The following TMEM132E variants were observed in gnomAD, a reference collection of about 807,000 sequenced individuals.
TMEM132E encodes transmembrane protein 132E.
TMEM132E carries 49 observed loss-of-function variants against 78.5 expected under a neutral mutation model. The observed-to-expected ratio is 0.62, with a 90% CI of 0.50 to 0.79. The LOEUF is 0.79. TMEM132E is among the 30% of genes least tolerant of loss of function. The probability of loss-of-function intolerance (pLI) is 0.00; values close to 1 mark genes in which losing one functional copy is unlikely to be tolerated. For synonymous variants in TMEM132E, 715 were observed against 670.6 expected (o/e 1.07, Z -1.02); for missense variants, 1,403 against 1,470.9 (o/e 0.95, Z 0.75).
chr17:34,626,969 A>G lies in TMEM132E; in HGVS notation c.910A>G (p.Lys304Glu). The G allele has an allele frequency of 6.2e-7, 1 of 1,613,854 alleles. No individual in the cohort carries two copies. Among genetic ancestry groups the G allele is most frequent in the Non-Finnish European group, 8.5e-7 (1 of 1,180,004 alleles). Residue 304 changes from lysine (K) to glutamate (E), a missense_variant, in exon 2 of 9, where the codon AAG becomes GAG. Transcript: ENST00000631683. Reference sequence around the variant, plus strand: ...GATCCGCCTGCCAGACCGGCCCCTCAAGCCCGGGGAAGTGCTCAGCATCCT... The same window carrying G: ...GATCCGCCTGCCAGACCGGCCCCTCGAGCCCGGGGAAGTGCTCAGCATCCT... ...LMIRLPDRPLKPGEVLSILLY... is the reference protein window; with the variant it reads ...LMIRLPDRPLEPGEVLSILLY...
At chr17:34,594,333 G>A (rs1327892080) in intron 1 of TMEM132E, among the ~76,000 whole-genome samples, 1 of 152,224 alleles carries the variant, frequency 6.6e-6, no homozygotes, top group Admixed American at 6.5e-5. Context: ...TGGGTGGCAT[G>A]ATTGGCAGTA....
intron 1 of TMEM132E, among the ~76,000 whole-genome samples, chr17:34,623,381 A>G (rs996118689): frequency 2.1e-5 from 3 of 141,808 alleles, no homozygotes; most frequent in Non-Finnish European, 3.0e-5. Context: ...ATGGATAACT[A>G]AGGCAGGGCT....
intron 1 of TMEM132E, among the ~76,000 whole-genome samples, chr17:34,599,677 T>A (rs1403758542): frequency 6.6e-6 from 1 of 150,732 alleles, no homozygotes; most frequent in African/African-American, 2.4e-5. Context: ...ATTATTATCA[T>A]TTTTTTTATT....
rs369148259 is a variant in TMEM132E, at chr17:34,596,072, A to ACACACACACG, written c.67+14929_67+14930insCACACACACG. Among the ~76,000 whole-genome samples the ACACACACACG allele has an allele frequency of 8.7e-5, 13 of 149,272 alleles. 1 individual carries two copies. The highest frequency in any genetic ancestry group is 3.0e-4 in the African/African-American group (12 of 40,164). On this transcript the variant is annotated intron_variant, in intron 1 of 8. Transcript: ENST00000631683. ...CACACACACACACACACACACGCAC[A>ACACACACACG]ACTTGCATTCCCCAGGCAACCAGTG...
intron 1 of TMEM132E, among the ~76,000 whole-genome samples, chr17:34,597,248 C>G (rs1354208165): frequency 1.3e-5 from 2 of 152,150 alleles, no homozygotes; most frequent in Non-Finnish European, 2.9e-5. Context: ...AGACTAGGGG[C>G]TTCCCCAGTA....
Position 34,628,827 on chromosome 17 carries a change from C to T in TMEM132E, c.1145+118C>T, listed in dbSNP as rs1252366975. The T allele has an allele frequency of 4.3e-6, 6 of 1,402,660 alleles. No individual in the cohort carries two copies. The East Asian group carries it at 1.3e-4, about 30-fold the overall frequency. 86.9% of individuals were successfully genotyped at this position (1,402,660 alleles called of 1,614,324 possible). On this transcript the variant is annotated intron_variant, in intron 3 of 8. Transcript: ENST00000631683. ...AGGGCTGGGGCTCGGTCATTGGGGT[C>T]TCTGAGGTCCAGGCCCCTCAGTGGG...
At chr17:34,612,753 C>G (rs1371735344) in intron 1 of TMEM132E, among the ~76,000 whole-genome samples, 1 of 152,156 alleles carries the variant, frequency 6.6e-6, no homozygotes, top group Non-Finnish European at 1.5e-5. Flanking sequence ...AGGCTCACTG[C>G]TCCCATGAAG....
intron 1 of TMEM132E, among the ~76,000 whole-genome samples, chr17:34,589,260 G>C (rs547858172): frequency 5.3e-5 from 8 of 152,298 alleles, no homozygotes; most frequent in African/African-American, 1.9e-4. Context: ...GAGTGGGCTT[G>C]ACCATTCAAA....
chr17:34,583,999 C>T (rs1447111470), intron 1 of TMEM132E, among the ~76,000 whole-genome samples: 1 of 152,188 alleles, frequency 6.6e-6, no homozygotes, highest in Non-Finnish European at 1.5e-5. Flanking sequence ...GGGGAGACTC[C>T]CAGCCCCACT....
chr17:34,589,617 G>A (rs1320407792), intron 1 of TMEM132E, among the ~76,000 whole-genome samples: 1 of 152,178 alleles, frequency 6.6e-6, no homozygotes, highest in Non-Finnish European at 1.5e-5. Context: ...TTCAGGGACT[G>A]CAAAGTCAAC....
At chr17:34,619,003 G>T (rs1906869353) in intron 1 of TMEM132E, among the ~76,000 whole-genome samples, 1 of 152,164 alleles carries the variant, frequency 6.6e-6, no homozygotes, top group South Asian at 2.1e-4. Flanking sequence ...GGTCTCCTGG[G>T]TTGGGGGTGT....
chr17:34,585,341 G>C (rs1372270678), intron 1 of TMEM132E, among the ~76,000 whole-genome samples: 2 of 152,208 alleles, frequency 1.3e-5, no homozygotes, highest in African/African-American at 4.8e-5. Flanking sequence ...CCCTGGACTT[G>C]AGATTGGTAG....
At position 34,592,003 on chromosome 17, in the gene TMEM132E, C is replaced by T. The variant is rs75102944; in HGVS notation, c.67+10860C>T. Reference sequence around the variant, plus strand: ...CTGGAGGGGCTCGGTAAACTGGTGTCTTTCCATCCTTTCTTGCCTAGAGCC... The same window carrying T: ...CTGGAGGGGCTCGGTAAACTGGTGTTTTTCCATCCTTTCTTGCCTAGAGCC... On this transcript the variant is annotated intron_variant, in intron 1 of 8. Coordinates refer to ENST00000631683, the MANE Select transcript of TMEM132E (RefSeq NM_001304438.2). Among the ~76,000 whole-genome samples, 2,017 of 152,338 alleles carry T rather than the reference C, an allele frequency of 0.013. 123 individuals carry two copies. The East Asian group carries it at 0.19, about 14-fold the overall frequency.
At chr17:34,613,090 C>T (rs921494183) in intron 1 of TMEM132E, among the ~76,000 whole-genome samples, 1 of 151,600 alleles carries the variant, frequency 6.6e-6, no homozygotes, top group African/African-American at 2.4e-5. Flanking sequence ...CCCAGAGCCT[C>T]CCCTCCCAAA....
rs77767321 is a variant in TMEM132E at position 34,631,123 on chromosome 17, T to C, written c.1482+972T>C. Among the ~76,000 whole-genome samples, 1,290 of 152,300 alleles carry C rather than the reference T, an allele frequency of 8.5e-3. 10 individuals carry two copies. Among genetic ancestry groups the C allele is most frequent in the Non-Finnish European group, 0.013 (896 of 68,024 alleles). On this transcript the variant is annotated intron_variant, in intron 5 of 8. Coordinates refer to ENST00000631683, the MANE Select transcript of TMEM132E (RefSeq NM_001304438.2). Reference sequence around the variant, plus strand: ...TTCAGCTTGAAGGAAAGCAGGACAGTTGGAATGCAGATGTCCTTCTCCTCC... The same window carrying C: ...TTCAGCTTGAAGGAAAGCAGGACAGCTGGAATGCAGATGTCCTTCTCCTCC...
chr17:34,626,989 C>T lies in TMEM132E; in HGVS notation c.930C>T (p.Ser310=), dbSNP rs201214933. The T allele has an allele frequency of 6.2e-7, 1 of 1,613,966 alleles. No individual in the cohort carries two copies. Among genetic ancestry groups the T allele is most frequent in the East Asian group, 2.2e-5 (1 of 44,872 alleles). ...CCCTCAAGCCCGGGGAAGTGCTCAGCATCCTCCTCTATCTGGCCCCCAACT... is the reference window on the plus strand; with the variant it reads ...CCCTCAAGCCCGGGGAAGTGCTCAGTATCCTCCTCTATCTGGCCCCCAACT... ...DRPLKPGEVL[S]ILLYLAPNSS... is the part of the protein sequence containing the mutation. The change falls in exon 2 of 9, where the codon AGC becomes AGT. Residue 310 remains serine (S), a synonymous_variant. Transcript: ENST00000631683.
At chr17:34,581,791 T>C (rs1425767672) in intron 1 of TMEM132E, among the ~76,000 whole-genome samples, 4 of 150,312 alleles carry the variant, frequency 2.7e-5, no homozygotes, top group African/African-American at 4.9e-5. Flanking sequence ...GGGAGCGGGC[T>C]CCGCGCTCTC....
At chr17:34,591,832 G>C (rs993192799) in intron 1 of TMEM132E, among the ~76,000 whole-genome samples, 6 of 152,204 alleles carry the variant, frequency 3.9e-5, no homozygotes, top group African/African-American at 1.2e-4. Flanking sequence ...GTGTAGCTGA[G>C]TGACCCTGGA....
Position 34,613,211 on chromosome 17 carries a change from A to ACACACACATGCGCG in TMEM132E, c.68-12915_68-12914insACACACATGCGCGC. On this transcript the variant is annotated intron_variant, in intron 1 of 8. Transcript: ENST00000631683. ...CACACACACACCCACACACACACAC[A>ACACACACATGCGCG]CGCGCGCGCGCGCGCGTTCTTACAT... is the stretch of plus-strand genomic sequence containing the variant. Among the ~76,000 whole-genome samples, 10 of 115,976 alleles carry ACACACACATGCGCG rather than the reference A, an allele frequency of 8.6e-5. 1 individual carries two copies. The South Asian group carries it at 3.4e-3, about 40-fold the overall frequency. 76.1% of individuals were successfully genotyped at this position (115,976 alleles called of 152,430 possible). A position where few individuals can be genotyped will look rare whatever the true frequency, so the allele number is the denominator to read the frequency against.
Sources: gnomAD v4.1 joint callset for allele counts (sites outside exome capture counted in the v4.1 genomes callset) on GRCh38, gnomAD v4.1.1 for gene constraint, MANE v1.5 for transcripts, NCBI Gene and HGNC (gene_info 2026-07-23, HGNC 2026-07-21) for gene names.